The following PDE7B variants were observed in gnomAD, a reference collection of about 807,000 sequenced individuals.
The protein encoded by PDE7B is phosphodiesterase 7B, also known as 3',5'-cyclic-AMP phosphodiesterase 7B.
A neutral mutation model predicts 56.2 loss-of-function variants in PDE7B; 29 were observed. That is an observed-to-expected ratio of 0.52 (90% confidence interval 0.38 to 0.70). The LOEUF is 0.70. Among genes scored for constraint, PDE7B ranks in the 30% least tolerant of loss-of-function variants. The pLI is 0.00. For missense variants in PDE7B, 490 were observed against 565.0 expected, an observed-to-expected ratio of 0.87 and a Z score of 1.35; for synonymous variants, 197 against 196.9, an observed-to-expected ratio of 1.00 and a Z score of 0.00.
intron 1 of PDE7B, among the ~76,000 whole-genome samples, chr6:135,884,592 G>T (rs1775668709): frequency 6.6e-6 from 1 of 152,058 alleles, no homozygotes; most frequent in Admixed American, 6.6e-5. Flanking sequence ...AACACTTGCT[G>T]GTCTTATTCT....
At chr6:136,000,240 G>C (rs960089473) in intron 2 of PDE7B, among the ~76,000 whole-genome samples, 3 of 152,098 alleles carry the variant, frequency 2.0e-5, no homozygotes, top group African/African-American at 7.2e-5. Context: ...CTGTGATGAA[G>C]CTCTTAAGTT....
chr6:135,883,587 G>A (rs1190705850), intron 1 of PDE7B, among the ~76,000 whole-genome samples: 1 of 152,168 alleles, frequency 6.6e-6, no homozygotes, highest in African/African-American at 2.4e-5. Context: ...AATAAATGTT[G>A]TCAATGAGAT....
At chr6:136,075,144 C>T (rs1777109351) in intron 2 of PDE7B, among the ~76,000 whole-genome samples, 1 of 152,164 alleles carries the variant, frequency 6.6e-6, no homozygotes, top group South Asian at 2.1e-4. Flanking sequence ...GGTGCTTTAC[C>T]TACTGTCTTC....
chr6:136,157,954 C>T (rs952914833), intron 8 of PDE7B, among the ~76,000 whole-genome samples: 1 of 152,176 alleles, frequency 6.6e-6, no homozygotes, highest in Non-Finnish European at 1.5e-5. Flanking sequence ...TGATTCAGTG[C>T]ATACGCTCTC....
At chr6:135,948,745 TATAGC>T (rs1419855023) in intron 2 of PDE7B, among the ~76,000 whole-genome samples, 2 of 151,988 alleles carry the variant, frequency 1.3e-5, no homozygotes, top group East Asian at 3.9e-4. Flanking sequence ...GAACGAAGAA[TATAGC>T]ATTGCATCCA....
At chr6:135,868,334 G>A (rs1198948100) in intron 1 of PDE7B, among the ~76,000 whole-genome samples, 4 of 152,268 alleles carry the variant, frequency 2.6e-5, no homozygotes, top group South Asian at 2.1e-4. Context: ...ACCTCTGGTC[G>A]AGCTAATGGT....
Position 136,004,970 on chromosome 6 carries a change from T to C in PDE7B, c.82+57446T>C, listed in dbSNP as rs1775750164. ...TTCAAACTATACTACAAGGCTACAG[T>C]AACCAAAACAGCATGGTACTGGTAC... On this transcript the variant is annotated intron_variant, in intron 2 of 12. Transcript: ENST00000308191. Among the ~76,000 whole-genome samples, 3 of 152,290 alleles carry C rather than the reference T, an allele frequency of 2.0e-5. No homozygotes were observed. The South Asian group carries it at 6.2e-4, about 32-fold the overall frequency.
rs1425572227 is a variant in PDE7B at position 136,192,379 on chromosome 6, G to A, written c.*539G>A. 6.6e-6 allele frequency: 1 copy of A among 152,130 alleles called. No homozygotes were observed. Among genetic ancestry groups the A allele is most frequent in the East Asian group, 1.9e-4 (1 of 5,198 alleles). 9.4% of individuals were successfully genotyped at this position (152,130 alleles called of 1,614,324 possible). On this transcript the variant is annotated 3_prime_UTR_variant, in exon 13 of 13. Coordinates refer to ENST00000308191, the MANE Select transcript of PDE7B (RefSeq NM_018945.4). Reference sequence around the variant, plus strand: ...AATCTTTTTAACTTTTATATTTTATGCACTAGACAATGGATCTGCAACTTT... The same window carrying A: ...AATCTTTTTAACTTTTATATTTTATACACTAGACAATGGATCTGCAACTTT...
At chr6:136,171,437 A>G (rs1383119936) in intron 8 of PDE7B, among the ~76,000 whole-genome samples, 1 of 152,182 alleles carries the variant, frequency 6.6e-6, no homozygotes, top group Non-Finnish European at 1.5e-5. Context: ...ACTGCGACTC[A>G]GGAGTCTGAA....
chr6:136,159,828 G>A (rs1245821755), intron 8 of PDE7B, among the ~76,000 whole-genome samples: 2 of 152,192 alleles, frequency 1.3e-5, no homozygotes, highest in African/African-American at 2.4e-5. Context: ...CAAAGAAAGT[G>A]TCCAACAAAT....
intron 3 of PDE7B, among the ~76,000 whole-genome samples, chr6:136,114,280 A>G (rs1777796564): frequency 6.6e-6 from 1 of 152,236 alleles, no homozygotes; most frequent in Admixed American, 6.5e-5. Context: ...TGGAACCAAT[A>G]TATACAAACA....
At chr6:136,052,736 G>C (rs1272094507) in intron 2 of PDE7B, among the ~76,000 whole-genome samples, 3 of 151,426 alleles carry the variant, frequency 2.0e-5, no homozygotes, top group East Asian at 3.9e-4. Flanking sequence ...CTTTTAGATA[G>C]CAGAAGTGTT....
At chr6:136,029,275 C>T (rs180775955) in intron 2 of PDE7B, among the ~76,000 whole-genome samples, 4 of 152,194 alleles carry the variant, frequency 2.6e-5, no homozygotes, top group African/African-American at 9.6e-5. Flanking sequence ...CATCAATTGC[C>T]TCCTCAAAGT....
chr6:136,170,302 G>C (rs2128449672), intron 8 of PDE7B, among the ~76,000 whole-genome samples: 1 of 152,218 alleles, frequency 6.6e-6, no homozygotes, highest in South Asian at 2.1e-4. Context: ...TAAAATACAT[G>C]TAATATAAAA....
intron 1 of PDE7B, among the ~76,000 whole-genome samples, chr6:135,878,884 G>C (rs928126904): frequency 1.3e-5 from 2 of 152,102 alleles, no homozygotes; most frequent in African/African-American, 4.8e-5. Flanking sequence ...TCACATGTAC[G>C]TATTTTTATG....
At chr6:135,933,676 T>C (rs1415415622) in intron 1 of PDE7B, among the ~76,000 whole-genome samples, 1 of 152,190 alleles carries the variant, frequency 6.6e-6, no homozygotes, top group Admixed American at 6.5e-5. Context: ...AGCAAAAATC[T>C]CCTAGTTTGC....
chr6:136,035,190 C>T (rs1036416764), intron 2 of PDE7B: 4 of 152,186 alleles, frequency 2.6e-5, no homozygotes, highest in South Asian at 2.1e-4. Context: ...CTTTCCCCAC[C>T]CTCAGTGATC....
At chr6:136,137,939 T>A (rs1452242112) in intron 3 of PDE7B, among the ~76,000 whole-genome samples, 2 of 152,112 alleles carry the variant, frequency 1.3e-5, no homozygotes, top group Admixed American at 6.6e-5. Flanking sequence ...AATTTCACAG[T>A]TCGGGTCAAT....
intron 1 of PDE7B, among the ~76,000 whole-genome samples, chr6:135,922,159 G>C (rs991037682): frequency 2.0e-5 from 3 of 152,052 alleles, no homozygotes; most frequent in African/African-American, 7.2e-5. Flanking sequence ...CCTGTAAACT[G>C]CCACCTCAAG....
Sources: allele counts gnomAD v4.1 joint callset (sites outside exome capture counted in the v4.1 genomes callset), GRCh38; gene constraint gnomAD v4.1.1; transcripts MANE v1.5; gene names NCBI Gene and HGNC (gene_info 2026-07-23, HGNC 2026-07-21).